PACS2: variants seen among roughly 807,000 people sequenced by gnomAD.
The protein encoded by PACS2 is PACS1-like protein.
A neutral mutation model predicts 113.0 loss-of-function variants in PACS2; 36 were observed. The observed-to-expected ratio is 0.32, with a 90% confidence interval of 0.24 to 0.42. The LOEUF (loss-of-function observed/expected upper bound fraction) is 0.42. Among genes scored for constraint, PACS2 ranks in the 10% least tolerant of loss-of-function variants. PACS2 has a pLI of 1.00. For missense variants in PACS2, 1,015 were observed against 1,239.5 expected (o/e 0.82, Z 2.72); for synonymous variants, 589 against 536.1 (o/e 1.10, Z -1.36).
chr14:105,359,149 C>T (rs587653066), intron 4 of PACS2, among the ~76,000 whole-genome samples: 8 of 152,244 alleles, frequency 5.3e-5, no homozygotes, highest in South Asian at 2.1e-4. Flanking sequence ...TCCACCCCTA[C>T]GCGGCGGTGC....
At chr14:105,382,990 C>A in intron 15 of PACS2, 77 bp downstream of exon 15, 1 of 872,122 alleles carries the variant, frequency 1.1e-6, no homozygotes, top group Non-Finnish European at 1.9e-6. Flanking sequence ...GCCCATTGCT[C>A]CGGGGCTAGG....
rs2081029117 is a variant in PACS2, at chr14:105,382,480, C to G, written c.1417C>G (p.Pro473Ala). ...GGACAGGGCTCTGTGCCTCCAGATC[C>G]CCAGGAAGACTGTGTATGACCAGCT... ...RSQLQVQLQI[P>A]RKTVYDQLNH... Residue 473 changes from proline (P) to alanine (A), a missense_variant, in exon 14 of 25, where the codon CCC (proline) becomes GCC (alanine). Coordinates refer to ENST00000447393, the MANE Select transcript of PACS2 (RefSeq NM_001100913.3). 1 of 1,595,190 alleles carries G rather than the reference C, an allele frequency of 6.3e-7. No homozygotes were observed. Among genetic ancestry groups the G allele is most frequent in the Non-Finnish European group, 8.6e-7 (1 of 1,162,896 alleles).
At chr14:105,331,965 T>G (rs1039150573) in intron 1 of PACS2, among the ~76,000 whole-genome samples, 27 of 152,234 alleles carry the variant, frequency 1.8e-4, no homozygotes, top group Admixed American at 7.9e-4. Context: ...TCTTCTGGCC[T>G]CTGTTGTGGT....
At chr14:105,369,961 G>A in intron 8 of PACS2, 61 bp downstream of exon 8, 1 of 1,430,964 alleles carries the variant, frequency 7.0e-7, no homozygotes, top group South Asian at 1.2e-5. Flanking sequence ...TGGTCGGGAG[G>A]AGGCCTCTGG....
rs780199856 is a variant in PACS2 at position 105,322,951 on chromosome 14, C to T, written c.119+7914C>T. On this transcript the variant is annotated intron_variant, in intron 1 of 24. Transcript: ENST00000447393. ...CTGAGCAGGGCGTGTGCTGGTTGTACGATGCTGGGGTGGTGTGTGCTCCTC... is the reference window on the plus strand; with the variant it reads ...CTGAGCAGGGCGTGTGCTGGTTGTATGATGCTGGGGTGGTGTGTGCTCCTC... Among the ~76,000 whole-genome samples, 3 of 152,282 alleles carry T rather than the reference C, an allele frequency of 2.0e-5. No homozygotes were observed. In the East Asian group the frequency reaches 5.8e-4, roughly 29 times the overall value.
intron 20 of PACS2, 104 bp from the exon 21 acceptor site, chr14:105,391,103 T>G (rs2081341090): frequency 6.0e-6 from 5 of 835,658 alleles, no homozygotes; most frequent in Non-Finnish European, 1.0e-5. Flanking sequence ...CGCTCCAGCA[T>G]CATGGGAGTG....
chr14:105,305,373 G>A (rs980825127), intron 1 of PACS2, among the ~76,000 whole-genome samples: 3 of 152,118 alleles, frequency 2.0e-5, no homozygotes, highest in Admixed American at 2.0e-4. Context: ...CTCCACTCCA[G>A]CCTGGGCGAC....
chr14:105,382,682 G>A, intron 14 of PACS2, 101 bp downstream of exon 14: 2 of 961,244 alleles, frequency 2.1e-6, no homozygotes, highest in South Asian at 1.4e-5. Flanking sequence ...TGCTGGAGCT[G>A]CTGGCTGTGG....
At chr14:105,332,021 CAT>C (rs777419277) in intron 1 of PACS2, among the ~76,000 whole-genome samples, 51 of 152,352 alleles carry the variant, frequency 3.3e-4, no homozygotes, top group South Asian at 1.9e-3. Flanking sequence ...TTGTGGGACA[CAT>C]GTGTGATCTG....
intron 20 of PACS2, 98 bp from the exon 21 acceptor site, chr14:105,391,109 G>C (rs1019530672): frequency 2.3e-6 from 2 of 867,020 alleles, no homozygotes; most frequent in Non-Finnish European, 3.9e-6. Flanking sequence ...AGCATCATGG[G>C]AGTGGTGGCC....
At position 105,355,217 on chromosome 14, in the gene PACS2, A is replaced by G; in HGVS notation, c.423+40A>G. ...TGGCGTGGCCTGCGTCGGGCTGGCC[A>G]CCTGGGTGCCAGAGCATTCGCCCGT... is the stretch of plus-strand genomic sequence containing the variant. On this transcript the variant is annotated intron_variant, in intron 4 of 24. Coordinates refer to ENST00000447393, the MANE Select transcript of PACS2 (RefSeq NM_001100913.3). The surrounding 1 kb of genome is among the most constrained non-coding windows in gnomAD (Gnocchi z 4.1). 6.3e-7 allele frequency: 1 copy of G among 1,598,020 alleles called. No individual in the cohort carries two copies. Among genetic ancestry groups the G allele is most frequent in the Non-Finnish European group, 8.5e-7 (1 of 1,171,752 alleles).
upstream of PACS2, among the ~76,000 whole-genome samples, chr14:105,312,295 C>T (rs1401754260): frequency 6.6e-6 from 1 of 152,196 alleles, no homozygotes; most frequent in Non-Finnish European, 1.5e-5. Context: ...CAATGGAATC[C>T]TAGCCAAGCA....
intron 7 of PACS2, among the ~76,000 whole-genome samples, chr14:105,369,204 G>A (rs1178787502): frequency 1.3e-5 from 2 of 152,250 alleles, no homozygotes; most frequent in African/African-American, 4.8e-5. Context: ...TGCCAGGGAC[G>A]GGCAAGCTGC....
chr14:105,367,138 C>G, intron 4 of PACS2, 75 bp from the exon 5 acceptor site: 7 of 1,394,328 alleles, frequency 5.0e-6, no homozygotes, highest in Non-Finnish European at 7.0e-6. Context: ...CCTTCAGAAA[C>G]CCCAGCCCAC....
chr14:105,306,885 C>T (rs1324595689), intron 1 of PACS2, among the ~76,000 whole-genome samples: 2 of 152,156 alleles, frequency 1.3e-5, no homozygotes, highest in African/African-American at 2.4e-5. Flanking sequence ...GGATTACAGG[C>T]GTGAGCCACC....
Position 105,355,324 on chromosome 14 carries a change from C to T in PACS2, c.423+147C>T, listed in dbSNP as rs782524953. On this transcript the variant is annotated intron_variant, in intron 4 of 24. Coordinates refer to ENST00000447393, the MANE Select transcript of PACS2 (RefSeq NM_001100913.3). The surrounding 1 kb of genome is among the most constrained non-coding windows in gnomAD (Gnocchi z 4.1). ...GAGAGGAGCCTGGGCGGCCGGGCTC[C>T]GCCATAAGGGCCAGGTGCGGCCCCA... The T allele has an allele frequency of 4.5e-5, 45 of 1,000,250 alleles. No homozygotes were observed. The highest frequency in any genetic ancestry group is 6.1e-5 in the Non-Finnish European group (43 of 704,772). 62.0% of individuals were successfully genotyped at this position (1,000,250 alleles called of 1,614,324 possible).
intron 5 of PACS2, 59 bp downstream of exon 5, chr14:105,367,434 A>G: frequency 8.4e-6 from 13 of 1,542,742 alleles, no homozygotes; most frequent in South Asian, 2.2e-5. Context: ...CCTTCCAGCC[A>G]TGGCACATCG....
chr14:105,379,753 G>A lies in PACS2; in HGVS notation c.974G>A (p.Gly325Asp), dbSNP rs782357921. Residue 325 changes from glycine to aspartate, a missense_variant, in exon 10 of 25, where the codon GGC becomes GAC. Physicochemically the swap from Gly to Asp is moderately conservative, Grantham distance 94. Coordinates refer to ENST00000447393, the MANE Select transcript of PACS2 (RefSeq NM_001100913.3). ...PKPKLRPYFE[G>D]LSHSSSQTEI... ...CCCTGAGCCAGGCCATACTTTGAAG[G>A]CCTGTCGCACTCGAGCTCGCAGACG... 1.2e-6 allele frequency: 2 copies of A among 1,613,790 alleles called. No individual in the cohort carries two copies. Among genetic ancestry groups the A allele is most frequent in the Admixed American group, 1.7e-5 (1 of 60,018 alleles).
chr14:105,322,694 G>T (rs2058945367), intron 1 of PACS2, among the ~76,000 whole-genome samples: 1 of 152,164 alleles, frequency 6.6e-6, no homozygotes, highest in African/African-American at 2.4e-5. Context: ...TTGTTACTGT[G>T]TATCTTAATT....
Sources: allele counts gnomAD v4.1 joint callset (sites outside exome capture counted in the v4.1 genomes callset), GRCh38; gene constraint gnomAD v4.1.1; non-coding constraint Gnocchi (gnomAD v3.1); transcripts MANE v1.5; gene names NCBI Gene and HGNC (gene_info 2026-07-23, HGNC 2026-07-21).